DNAAF9: variants seen among roughly 807,000 people sequenced by gnomAD.
DNAAF9 encodes shulin.
Under a neutral mutation model 167.0 loss-of-function variants are expected in DNAAF9, and 90 were observed. That is an observed-to-expected ratio of 0.54 (90% CI 0.45 to 0.64). The LOEUF (loss-of-function observed/expected upper bound fraction) is 0.64. DNAAF9 is among the 30% of genes least tolerant of loss of function. DNAAF9 has a pLI of 0.00. For missense variants in DNAAF9, 1,315 were observed against 1,442.2 expected (o/e 0.91, Z 1.43); for synonymous variants, 491 against 508.8 (o/e 0.96, Z 0.47).
chr20:3,317,585 T>C (rs564608092), intron 17 of DNAAF9, among the ~76,000 whole-genome samples: 24 of 152,126 alleles, frequency 1.6e-4, no homozygotes, highest in African/African-American at 5.8e-4. Flanking sequence ...AAAAATAATA[T>C]CTAATTACTG....
intron 8 of DNAAF9, among the ~76,000 whole-genome samples, chr20:3,347,116 C>T (rs751019425): frequency 1.3e-5 from 2 of 151,352 alleles, no homozygotes; most frequent in Non-Finnish European, 2.9e-5. Flanking sequence ...TTAAAAGCTG[C>T]CAGAGGGGGA....
At chr20:3,284,203 CAG>C (rs1309019315) in intron 27 of DNAAF9, among the ~76,000 whole-genome samples, 2 of 123,288 alleles carry the variant, frequency 1.6e-5, no homozygotes, top group South Asian at 3.0e-4. Flanking sequence ...TTTTTTGAGA[CAG>C]AGTCTTGCTC....
chr20:3,261,048 T>G (rs2068376832), intron 31 of DNAAF9, among the ~76,000 whole-genome samples: 1 of 151,496 alleles, frequency 6.6e-6, no homozygotes, highest in Non-Finnish European at 1.5e-5. Context: ...GCATCTCTGC[T>G]CTATTTTCTT....
At chr20:3,370,465 AG>A (rs1203211841) in intron 6 of DNAAF9, among the ~76,000 whole-genome samples, 1 of 151,058 alleles carries the variant, frequency 6.6e-6, no homozygotes, top group Non-Finnish European at 1.5e-5. Flanking sequence ...GCTGGAGTGC[AG>A]TGGCATGATC....
At chr20:3,362,502 A>T (rs1186657958) in intron 6 of DNAAF9, among the ~76,000 whole-genome samples, 1 of 151,908 alleles carries the variant, frequency 6.6e-6, no homozygotes, top group Non-Finnish European at 1.5e-5. Context: ...TTTTTTTACA[A>T]ATCAATTCTG....
At chr20:3,264,674 A>C (rs368960185) in intron 30 of DNAAF9, 150 bp from the exon 31 acceptor site, 96 of 636,908 alleles carry the variant, frequency 1.5e-4, no homozygotes, top group South Asian at 1.5e-3. Context: ...GGTTCAAGTG[A>C]TTCTCCTGCC....
At chr20:3,337,654 G>A (rs576156896) in intron 10 of DNAAF9, among the ~76,000 whole-genome samples, 1 of 151,842 alleles carries the variant, frequency 6.6e-6, no homozygotes, top group South Asian at 2.1e-4. Context: ...TTGAAACATG[G>A]ACATTTTTAG....
At chr20:3,407,008 C>T (rs188544770) in intron 1 of DNAAF9, among the ~76,000 whole-genome samples, 4 of 152,190 alleles carry the variant, frequency 2.6e-5, no homozygotes, top group Admixed American at 2.6e-4. Flanking sequence ...GGGGGTTCTA[C>T]ACGAGGGAGC....
At chr20:3,327,367 T>C (rs952240066) in intron 12 of DNAAF9, among the ~76,000 whole-genome samples, 4 of 150,996 alleles carry the variant, frequency 2.6e-5, no homozygotes, top group African/African-American at 7.3e-5. Context: ...TTCCTGGGAG[T>C]GGGGAAAGAT....
At position 3,281,677 on chromosome 20, in the gene DNAAF9, G is replaced by C. The variant is rs771541378; in HGVS notation, c.2576C>G (p.Ala859Gly). The C allele has an allele frequency of 1.2e-6, 2 of 1,612,962 alleles. No homozygotes were observed. Among genetic ancestry groups the C allele is most frequent in the Non-Finnish European group, 1.7e-6 (2 of 1,179,416 alleles). Residue 859 changes from alanine (A) to glycine (G), a missense_variant, in exon 28 of 37, where the codon GCA becomes GGA. Physicochemically the swap from Ala to Gly is moderately conservative, Grantham distance 60 (BLOSUM62 0). This residue lies in a region of DNAAF9 where 334 missense variants were observed against 429.7 expected (regional missense o/e 0.78). Coordinates refer to ENST00000252032, the MANE Select transcript of DNAAF9 (RefSeq NM_001009984.3). ...KASFTIGAIT[A>G]CVEPMSCYME... ...GTAGCAGCTCATGGGCTCCACACAT[G>C]CTGTGATGGCACCAATGGTGAAGGA... is the stretch of plus-strand genomic sequence containing the variant.
chr20:3,394,059 C>T (rs1401824031), intron 1 of DNAAF9, among the ~76,000 whole-genome samples: 1 of 151,984 alleles, frequency 6.6e-6, no homozygotes, highest in Non-Finnish European at 1.5e-5. Context: ...TGTATTGGGC[C>T]GGGTGCAGTG....
chr20:3,393,952 TTTTC>T, intron 1 of DNAAF9, among the ~76,000 whole-genome samples: 1 of 152,354 alleles, frequency 6.6e-6, no homozygotes, highest in East Asian at 1.9e-4. Flanking sequence ...CTACATTTCT[TTTTC>T]TATGAGTGCA....
intron 1 of DNAAF9, among the ~76,000 whole-genome samples, chr20:3,395,509 G>A (rs2083895118): frequency 6.6e-6 from 1 of 151,770 alleles, no homozygotes; most frequent in South Asian, 2.1e-4. Context: ...TTGAACTCCT[G>A]GCCTCAAGCA....
intron 3 of DNAAF9, 25 bp from the exon 4 acceptor site, chr20:3,376,327 A>T (rs1307807159): frequency 6.3e-7 from 1 of 1,577,230 alleles, no homozygotes. Context: ...AAATCAAAAC[A>T]CAAGACTGTC....
Position 3,315,599 on chromosome 20 carries a change from A to C in DNAAF9, c.1590+136T>G. On this transcript the variant is annotated intron_variant, in intron 19 of 36. Coordinates refer to ENST00000252032, the MANE Select transcript of DNAAF9 (RefSeq NM_001009984.3). This position sits in a 1 kb window ranked among gnomAD's most constrained non-coding sequence, Gnocchi z 4.1. ...TAAAGCTCTGCTGGGAAGGGGAGGA[A>C]TGCAAATAGGAAGTGAAGACAACAT... 4.2e-6 allele frequency: 3 copies of C among 715,034 alleles called. No homozygotes were observed. Among genetic ancestry groups the C allele is most frequent in the Non-Finnish European group, 7.5e-6 (3 of 400,290 alleles). 44.3% of individuals were successfully genotyped at this position (715,034 alleles called of 1,614,324 possible).
intron 25 of DNAAF9, among the ~76,000 whole-genome samples, chr20:3,293,086 A>G (rs1485144496): frequency 6.6e-6 from 1 of 151,378 alleles, no homozygotes; most frequent in Non-Finnish European, 1.5e-5. Context: ...ACTCAAAAAA[A>G]AAAAAGACCA....
chr20:3,364,745 G>A lies in DNAAF9; in HGVS notation c.613-5152C>T, dbSNP rs6051798. On this transcript the variant is annotated intron_variant, in intron 6 of 36. Transcript: ENST00000252032. ...AAAATACTTTATCACTAAAAAATGC[G>A]AACAATCAACTGAGCCTTCAGTGAG... Among the ~76,000 whole-genome samples the A allele has an allele frequency of 6.5e-3, 992 of 152,074 alleles. 9 individuals are homozygous for A. Among genetic ancestry groups the A allele is most frequent in the African/African-American group, 0.023 (949 of 41,468 alleles).
chr20:3,407,665 C>T lies in DNAAF9; in HGVS notation c.-108G>A, dbSNP rs1387337788. 1.9e-4 allele frequency: 161 copies of T among 847,412 alleles called. No individual in the cohort carries two copies. The highest frequency in any genetic ancestry group is 4.8e-4 in the East Asian group (7 of 14,684). 52.5% of individuals were successfully genotyped at this position (847,412 alleles called of 1,614,324 possible). On this transcript the variant is annotated 5_prime_UTR_variant, in exon 1 of 37. Coordinates refer to ENST00000252032, the MANE Select transcript of DNAAF9 (RefSeq NM_001009984.3). ...GGCCGGGCGGGGCGGCAGGGCGTGC[C>T]GGGTGGGAGGGGGCGCGGCGCGCGG...
chr20:3,264,560 G>A, intron 30 of DNAAF9, 36 bp from the exon 31 acceptor site: 1 of 1,012,994 alleles, frequency 9.9e-7, no homozygotes, highest in Non-Finnish European at 1.6e-6. Flanking sequence ...AGATTAATTA[G>A]GACTGTCAAT....
Sources: allele counts gnomAD v4.1 joint callset (sites outside exome capture counted in the v4.1 genomes callset), GRCh38; gene constraint gnomAD v4.1.1; regional missense constraint gnomAD v4.1.1; non-coding constraint Gnocchi (gnomAD v3.1); transcripts MANE v1.5; gene names NCBI Gene and HGNC (gene_info 2026-07-23, HGNC 2026-07-21).